The following LAMA3 variants were observed in gnomAD, a reference collection of about 807,000 sequenced individuals.
LAMA3 encodes laminin subunit alpha-3.
A neutral mutation model predicts 402.0 loss-of-function variants in LAMA3; 281 were observed. The ratio of observed to expected loss-of-function variants is 0.70; its 90% CI spans 0.63 to 0.77. The LOEUF is 0.77. Among genes scored for constraint, LAMA3 ranks in the 30% least tolerant of loss-of-function variants. The pLI is 0.00. For missense variants in LAMA3, 3,840 were observed against 4,215.5 expected, an observed-to-expected ratio of 0.91 and a Z score of 2.47; for synonymous variants, 1,431 against 1,558.4, an observed-to-expected ratio of 0.92 and a Z score of 1.93.
intron 56 of LAMA3, among the ~76,000 whole-genome samples, chr18:23,913,915 G>A (rs2081519953): frequency 6.6e-6 from 1 of 152,194 alleles, no homozygotes; most frequent in Non-Finnish European, 1.5e-5. Context: ...AAGTTTTATG[G>A]ATATTATGCC....
chr18:23,807,568 G>A (rs2062988011), intron 12 of LAMA3, among the ~76,000 whole-genome samples: 1 of 151,988 alleles, frequency 6.6e-6, no homozygotes, highest in Non-Finnish European at 1.5e-5. Flanking sequence ...GGGCTGGCAA[G>A]TCCAAAATCT....
chr18:23,729,616 T>TTATATA (rs770499468), intron 2 of LAMA3, among the ~76,000 whole-genome samples: 1 of 151,910 alleles, frequency 6.6e-6, no homozygotes, highest in South Asian at 2.1e-4. Context: ...TTAAAAATGA[T>TTATATA]TATATATATA....
At position 23,918,441 on chromosome 18, in the gene LAMA3, C is replaced by A. The variant is rs764958546; in HGVS notation, c.7923+1746C>A. ...GATCTCTAAGATCTAGACTGACTTC[C>A]TGCTGTTTCTGTCTTGATCTGATTC... is the stretch of plus-strand genomic sequence containing the variant. On this transcript the variant is annotated intron_variant, in intron 60 of 74. Transcript: ENST00000313654. The surrounding 1 kb of genome is among the most constrained non-coding windows in gnomAD (Gnocchi z 4.1). Among the ~76,000 whole-genome samples the A allele has an allele frequency of 3.9e-5, 6 of 152,138 alleles. No individual in the cohort carries two copies. Among genetic ancestry groups the A allele is most frequent in the Non-Finnish European group, 8.8e-5 (6 of 68,032 alleles).
intron 9 of LAMA3, among the ~76,000 whole-genome samples, chr18:23,775,400 C>A (rs1300044363): frequency 3.9e-5 from 6 of 152,188 alleles, no homozygotes; most frequent in Admixed American, 3.9e-4. Flanking sequence ...GTATTGATGA[C>A]CACTTTGTGG....
At chr18:23,837,730 T>G (rs4800516) in intron 25 of LAMA3, among the ~76,000 whole-genome samples, 22,441 of 151,304 alleles carry the variant, frequency 0.15, 3,631 homozygotes, top group African/African-American at 0.39. Context: ...GTGGCCAGAT[T>G]TACAATGAAT....
Position 23,871,644 on chromosome 18 carries a change from G to T in LAMA3, c.4981G>T (p.Ala1661Ser), listed in dbSNP as rs1455023789. The T allele has an allele frequency of 1.2e-6, 2 of 1,608,498 alleles. No homozygotes were observed. The highest frequency in any genetic ancestry group is 1.7e-6 in the Non-Finnish European group (2 of 1,177,212). The change falls in exon 38 of 75, where the codon GCT becomes TCT. Residue 1661 changes from alanine (A) to serine (S), a missense_variant. By Grantham distance (99) the Ala-to-Ser change is moderately conservative. Around this residue, in one of 3 missense-constraint regions of LAMA3, gnomAD observed 2,109 missense variants for 2,376.0 expected, o/e 0.89. Coordinates refer to ENST00000313654, the MANE Select transcript of LAMA3 (RefSeq NM_198129.4). ...AATCTGTGCCTGCCCCCCTGCCTACGCTGGTGACTCTTGTCAGGTAGGAAG... is the reference window on the plus strand; with the variant it reads ...AATCTGTGCCTGCCCCCCTGCCTACTCTGGTGACTCTTGTCAGGTAGGAAG... ...VEICACPPAY[A>S]GDSCQGCSPG... is the part of the protein sequence containing the mutation.
intron 35 of LAMA3, among the ~76,000 whole-genome samples, chr18:23,863,040 A>C (rs1432797670): frequency 6.6e-6 from 1 of 151,974 alleles, no homozygotes; most frequent in East Asian, 1.9e-4. Context: ...AGAGAGAGAG[A>C]GCTAGCTCAA....
chr18:23,737,055 G>A (rs917057220), intron 2 of LAMA3, among the ~76,000 whole-genome samples: 1 of 152,016 alleles, frequency 6.6e-6, no homozygotes, highest in African/African-American at 2.4e-5. Flanking sequence ...CCAGTGGGCA[G>A]AGTAGGATAT....
At chr18:23,889,083 T>G (rs1167184756) in intron 41 of LAMA3, among the ~76,000 whole-genome samples, 1 of 151,802 alleles carries the variant, frequency 6.6e-6, no homozygotes, top group Non-Finnish European at 1.5e-5. Context: ...TGTTTAAGAG[T>G]CATTATATAC....
In LAMA3 at chr18:23,949,675, G is replaced by T. The variant is rs2082834476; in HGVS notation, c.9352-90G>T. 5.6e-6 allele frequency: 7 copies of T among 1,255,202 alleles called. No individual in the cohort carries two copies. In the South Asian group the frequency reaches 7.2e-5, roughly 13 times the overall value. 77.8% of individuals were successfully genotyped at this position (1,255,202 alleles called of 1,614,324 possible). On this transcript the variant is annotated intron_variant, in intron 70 of 74. Coordinates refer to ENST00000313654, the MANE Select transcript of LAMA3 (RefSeq NM_198129.4). ...AATCCCTACCTACCTTCCCCCTTTTGCTGACAAGCTGCAGTGCCCTTCGCC... is the reference window on the plus strand; with the variant it reads ...AATCCCTACCTACCTTCCCCCTTTTTCTGACAAGCTGCAGTGCCCTTCGCC...
At chr18:23,755,503 A>T (rs988529754) in intron 6 of LAMA3, among the ~76,000 whole-genome samples, 5 of 152,236 alleles carry the variant, frequency 3.3e-5, no homozygotes, top group African/African-American at 1.2e-4. Context: ...TAGAAATCTT[A>T]TAACAATTTA....
At chr18:23,894,760 C>A in intron 43 of LAMA3, 147 bp from the exon 44 acceptor site, 1 of 947,212 alleles carries the variant, frequency 1.1e-6, no homozygotes, top group Non-Finnish European at 1.7e-6. Flanking sequence ...TTTCAGAATC[C>A]ACATCCATCC....
chr18:23,806,909 A>G (rs2062972592), intron 12 of LAMA3, among the ~76,000 whole-genome samples: 1 of 152,212 alleles, frequency 6.6e-6, no homozygotes, highest in African/African-American at 2.4e-5. Context: ...TGTCCAGCCC[A>G]ATTAGGAGCA....
chr18:23,767,900 G>C (rs182673943), intron 8 of LAMA3, among the ~76,000 whole-genome samples: 1 of 152,014 alleles, frequency 6.6e-6, no homozygotes, highest in Admixed American at 6.6e-5. Flanking sequence ...TCAATAAATG[G>C]TGCTAAGATA....
chr18:23,914,311 TA>T, intron 56 of LAMA3, 98 bp from the exon 57 acceptor site: 1 of 1,296,792 alleles, frequency 7.7e-7, no homozygotes, highest in Non-Finnish European at 1.1e-6. Context: ...GCTTATTGCC[TA>T]AAACCCATTA....
chr18:23,929,988 A>G (rs1378830582), intron 64 of LAMA3, among the ~76,000 whole-genome samples: 2 of 152,232 alleles, frequency 1.3e-5, no homozygotes, highest in Non-Finnish European at 2.9e-5. Context: ...CTAAAGATAC[A>G]TATAAGTTAG....
intron 62 of LAMA3, 71 bp from the exon 63 acceptor site, chr18:23,928,052 A>G: frequency 9.5e-7 from 1 of 1,047,476 alleles, no homozygotes; most frequent in Non-Finnish European, 1.5e-6. Flanking sequence ...TAAAGAGCAC[A>G]GCGTTTCAGC....
chr18:23,911,730 A>G (rs947980906), intron 55 of LAMA3, among the ~76,000 whole-genome samples: 7 of 149,798 alleles, frequency 4.7e-5, no homozygotes, highest in Non-Finnish European at 1.0e-4. Flanking sequence ...CAACAGAAGC[A>G]GTTCCTTTAA....
At chr18:23,721,921 A>G (rs1400448547) in intron 2 of LAMA3, among the ~76,000 whole-genome samples, 1 of 152,136 alleles carries the variant, frequency 6.6e-6, no homozygotes, top group Non-Finnish European at 1.5e-5. Flanking sequence ...CTATCAATCA[A>G]TCTTCTCATT....
Sources: allele counts gnomAD v4.1 joint callset (sites outside exome capture counted in the v4.1 genomes callset), GRCh38; gene constraint gnomAD v4.1.1; regional missense constraint gnomAD v4.1.1; non-coding constraint Gnocchi (gnomAD v3.1); transcripts MANE v1.5; gene names NCBI Gene and HGNC (gene_info 2026-07-23, HGNC 2026-07-21).